ARID1B: variants seen among roughly 807,000 people sequenced by gnomAD.
ARID1B encodes the protein AT-rich interactive domain-containing protein 1B.
ARID1B carries 30 observed loss-of-function variants against 212.3 expected under a neutral mutation model. The ratio of observed to expected loss-of-function variants is 0.14; its 90% CI spans 0.11 to 0.19. The LOEUF is 0.19. ARID1B is among the 10% of genes least tolerant of loss of function. ARID1B has a pLI of 1.00. For missense variants in ARID1B, 2,891 were observed against 3,204.0 expected (o/e 0.90, Z 2.36); for synonymous variants, 1,402 against 1,301.7 (o/e 1.08, Z -1.66).
intron 19 of ARID1B, 101 bp downstream of exon 19, chr6:157,204,097 C>T (rs570273121): frequency 6.9e-6 from 10 of 1,440,060 alleles, no homozygotes; most frequent in African/African-American, 2.8e-5. Context: ...GAGCACTGAC[C>T]GTCCAACACT....
intron 2 of ARID1B, among the ~76,000 whole-genome samples, chr6:156,833,823 G>A (rs927679347): frequency 3.9e-5 from 6 of 152,086 alleles, no homozygotes; most frequent in African/African-American, 1.4e-4. Context: ...TAATTTTGCT[G>A]CATGTTTTTT....
intron 4 of ARID1B, among the ~76,000 whole-genome samples, chr6:157,063,995 AG>A (rs987907377): frequency 1.2e-4 from 18 of 152,154 alleles, no homozygotes; most frequent in Non-Finnish European, 2.1e-4. Context: ...CCAGTCTGTG[AG>A]GGGGGCATCA....
At chr6:156,991,629 T>C (rs1778283940) in intron 4 of ARID1B, among the ~76,000 whole-genome samples, 1 of 152,226 alleles carries the variant, frequency 6.6e-6, no homozygotes, top group Non-Finnish European at 1.5e-5. Flanking sequence ...TTTCTTACAC[T>C]CTTCTTGAAC....
In ARID1B at chr6:157,201,787, A is replaced by G. The variant is rs1257055500; in HGVS notation, c.5263+299A>G. Among the ~76,000 whole-genome samples, 1 of 152,234 alleles carries G rather than the reference A, an allele frequency of 6.6e-6. No individual in the cohort carries two copies. Among genetic ancestry groups the G allele is most frequent in the Non-Finnish European group, 1.5e-5 (1 of 68,038 alleles). On this transcript the variant is annotated intron_variant, in intron 18 of 19. Coordinates refer to ENST00000636930, the MANE Select transcript of ARID1B (RefSeq NM_001374828.1). The surrounding 1 kb of genome is among the most constrained non-coding windows in gnomAD (Gnocchi z 5.2). ...CGAGACCATCCTGGATAACACGGTG[A>G]AATAAAATGGTAGTTTTACGTGTGA...
Position 156,796,532 on chromosome 6 carries a change from T to C in ARID1B, c.1791+17061T>C, listed in dbSNP as rs531379182. On this transcript the variant is annotated intron_variant, in intron 1 of 19. Transcript: ENST00000636930. ...AGCTAACACCTGTCTACTTGTGTTA[T>C]TTCTTTCAGGGAATTTCAGTAGTAA... 2.0e-5 allele frequency among the ~76,000 whole-genome samples: 3 copies of C among 152,186 alleles called. No homozygotes were observed. The South Asian group carries it at 6.2e-4, about 32-fold the overall frequency.
intron 1 of ARID1B, among the ~76,000 whole-genome samples, chr6:156,826,893 G>T (rs1782778560): frequency 6.6e-6 from 1 of 152,150 alleles, no homozygotes; most frequent in Non-Finnish European, 1.5e-5. Flanking sequence ...CTTCCAGCTT[G>T]TCTGTGGGTT....
At chr6:157,132,210 A>G (rs540766835) in intron 6 of ARID1B, among the ~76,000 whole-genome samples, 16 of 152,178 alleles carry the variant, frequency 1.1e-4, no homozygotes, top group Admixed American at 2.0e-4. Flanking sequence ...TGCACGATCT[A>G]TGTCGGAGCG....
chr6:156,940,798 A>C (rs1792613448), intron 4 of ARID1B: 2 of 152,176 alleles, frequency 1.3e-5, no homozygotes, highest in African/African-American at 4.8e-5. Context: ...ATTGGAAACT[A>C]CCGGGAAAAG....
At position 157,206,852 on chromosome 6, in the gene ARID1B, C is replaced by G; in HGVS notation, c.6080C>G (p.Pro2027Arg). The part of the protein sequence containing the change: ...PGPQTESSKF[P>R]FGIQQAKSHR... Reference sequence around the variant, plus strand: ...CCCCAGACCGAAAGCAGTAAGTTTCCCTTTGGTATCCAGCAAGCCAAAAGT... The same window carrying G: ...CCCCAGACCGAAAGCAGTAAGTTTCGCTTTGGTATCCAGCAAGCCAAAAGT... Residue 2027 changes from proline (P) to arginine (R), a missense_variant, in exon 20 of 20, where the codon CCC (proline) becomes CGC (arginine). Physicochemically the swap from Pro to Arg is moderately radical, Grantham distance 103. Transcript: ENST00000636930. The surrounding 1 kb of genome is among the most constrained non-coding windows in gnomAD (Gnocchi z 6.8). 6.2e-7 allele frequency: 1 copy of G among 1,614,144 alleles called. No homozygotes were observed. Among genetic ancestry groups the G allele is most frequent in the Non-Finnish European group, 8.5e-7 (1 of 1,180,038 alleles).
At chr6:157,050,130 T>C (rs1402745622) in intron 4 of ARID1B, among the ~76,000 whole-genome samples, 7 of 152,110 alleles carry the variant, frequency 4.6e-5, no homozygotes, top group Admixed American at 4.6e-4. Flanking sequence ...TCCCCACAGT[T>C]TCCATCTCAG....
At chr6:157,129,980 C>T (rs1174185239) in intron 6 of ARID1B, among the ~76,000 whole-genome samples, 2 of 152,032 alleles carry the variant, frequency 1.3e-5, no homozygotes, top group Non-Finnish European at 2.9e-5. Context: ...ACCAGCCTGG[C>T]CAACATGGTG....
chr6:157,167,205 G>C lies in ARID1B; in HGVS notation c.3235+20G>C, dbSNP rs778923987. On this transcript the variant is annotated intron_variant, in intron 9 of 19. Transcript: ENST00000636930. Reference sequence around the variant, plus strand: ...CGGCAGGTAACCTTGGCAGCTCTGCGCTCCTGAGCCCCTCTCTCTCCCCTC... The same window carrying C: ...CGGCAGGTAACCTTGGCAGCTCTGCCCTCCTGAGCCCCTCTCTCTCCCCTC... 1 of 1,599,450 alleles carries C rather than the reference G, an allele frequency of 6.3e-7. No individual in the cohort carries two copies. The highest frequency in any genetic ancestry group is 1.1e-5 in the South Asian group (1 of 90,548).
At chr6:156,866,131 T>C (rs960359695) in intron 2 of ARID1B, among the ~76,000 whole-genome samples, 5 of 152,202 alleles carry the variant, frequency 3.3e-5, no homozygotes, top group Admixed American at 1.3e-4. Flanking sequence ...CCTTTCTTAT[T>C]GGTCCAGCCT....
intron 2 of ARID1B, among the ~76,000 whole-genome samples, chr6:156,880,412 A>G (rs1786949260): frequency 6.6e-6 from 1 of 152,196 alleles, no homozygotes; most frequent in Non-Finnish European, 1.5e-5. Context: ...GGAAACAGTT[A>G]TTTAGATTTA....
chr6:156,922,173 C>CTT (rs11386798), intron 3 of ARID1B, among the ~76,000 whole-genome samples: 3,593 of 138,050 alleles, frequency 0.026, 160 homozygotes, highest in African/African-American at 0.085. Context: ...ATAGGTTGCC[C>CTT]TTTTTTTTTT....
intron 1 of ARID1B, among the ~76,000 whole-genome samples, chr6:156,813,395 G>A (rs1273135947): frequency 1.3e-5 from 2 of 151,726 alleles, no homozygotes; most frequent in East Asian, 1.9e-4. Flanking sequence ...TTACAGGCGC[G>A]AGCCATTGCG....
intron 5 of ARID1B, among the ~76,000 whole-genome samples, chr6:157,103,982 C>G (rs1007103427): frequency 6.6e-6 from 1 of 151,822 alleles, no homozygotes; most frequent in East Asian, 1.9e-4. Context: ...ATTACAGGCA[C>G]CTGCCACCAT....
intron 3 of ARID1B, among the ~76,000 whole-genome samples, chr6:156,915,577 TA>T (rs111379557): frequency 0.06 from 8,244 of 137,084 alleles, 656 homozygotes; most frequent in African/African-American, 0.19. Context: ...CAAAAAAAAT[TA>T]AAAAAAAAAA....
chr6:157,058,408 G>A (rs1440318459), intron 4 of ARID1B, among the ~76,000 whole-genome samples: 1 of 151,984 alleles, frequency 6.6e-6, no homozygotes, highest in East Asian at 1.9e-4. Context: ...GGGACCACAG[G>A]TACACACCAC....
Sources: gnomAD v4.1 joint callset for allele counts (sites outside exome capture counted in the v4.1 genomes callset) on GRCh38, gnomAD v4.1.1 for gene constraint, Gnocchi (gnomAD v3.1) non-coding constraint, MANE v1.5 for transcripts, NCBI Gene and HGNC (gene_info 2026-07-23, HGNC 2026-07-21) for gene names.